Variants in STPG1 observed in about 807,000 individuals in gnomAD.
STPG1 encodes the protein sperm tail PG-rich repeat containing 1, also known as O(6)-methylguanine-induced apoptosis 2.
A neutral mutation model predicts 40.1 loss-of-function variants in STPG1; 33 were observed. That is an observed-to-expected ratio of 0.82 (90% CI 0.62 to 1.10). The LOEUF (loss-of-function observed/expected upper bound fraction) is 1.10. Among genes scored for constraint, STPG1 ranks in the 50% least tolerant of loss-of-function variants. The pLI, the probability that STPG1 is intolerant of heterozygous loss-of-function variation, is 0.00. For synonymous variants in STPG1, 150 were observed against 155.0 expected (o/e 0.97, Z 0.24); for missense variants, 396 against 415.1 (o/e 0.95, Z 0.40).
In STPG1 at chr1:24,379,673, G is replaced by A; in HGVS notation, c.442C>T (p.Pro148Ser). 1.2e-6 allele frequency: 2 copies of A among 1,614,152 alleles called. No individual in the cohort carries two copies. Among genetic ancestry groups the A allele is most frequent in the Non-Finnish European group, 8.5e-7 (1 of 1,179,996 alleles). Residue 148 changes from proline (P) to serine (S), a missense_variant, in exon 5 of 9, where the codon CCT becomes TCT. Physicochemically the swap from Pro to Ser is moderately conservative, Grantham distance 74. Coordinates refer to ENST00000337248, the MANE Select transcript of STPG1 (RefSeq NM_001199013.2). ...SFMKALKFET[P>S]APNYYNASVS... ...CTTACATTGTAATAGTTTGGTGCAG[G>A]AGTTTCAAACTTGAGAGCTTTCATA...
intron 1 of STPG1, among the ~76,000 whole-genome samples, chr1:24,402,237 ACT>A (rs932357179): frequency 5.1e-4 from 78 of 152,192 alleles, no homozygotes; most frequent in African/African-American, 1.9e-3. Flanking sequence ...AATCATAGAC[ACT>A]CTTTTTTCAC....
intron 2 of STPG1, among the ~76,000 whole-genome samples, chr1:24,397,127 G>A (rs1643038492): frequency 1.3e-5 from 2 of 152,074 alleles, no homozygotes. Context: ...AGCTCCTCAA[G>A]AGAACATAAC....
upstream of STPG1, chr1:24,414,275 A>C (rs1201948357): frequency 6.6e-6 from 1 of 151,220 alleles, no homozygotes; most frequent in Non-Finnish European, 1.5e-5. Flanking sequence ...CGAACTCCTG[A>C]CCTCAGGTGA....
chr1:24,381,823 T>G (rs1642297105), intron 4 of STPG1, among the ~76,000 whole-genome samples: 1 of 151,990 alleles, frequency 6.6e-6, no homozygotes, highest in Non-Finnish European at 1.5e-5. Flanking sequence ...GCGGAGGAGG[T>G]GCTAAAGGTG....
At chr1:24,368,804 A>G (rs1569994667) in intron 7 of STPG1, 1 of 152,910 alleles carries the variant, frequency 6.5e-6, no homozygotes, top group African/African-American at 2.4e-5. Flanking sequence ...TCACAGGTCC[A>G]AGTGATTCTC....
intron 2 of STPG1, among the ~76,000 whole-genome samples, chr1:24,393,810 G>C (rs1642878743): frequency 6.6e-6 from 1 of 152,222 alleles, no homozygotes; most frequent in African/African-American, 2.4e-5. Context: ...ACAAAGGACA[G>C]GGATCCCTGA....
intron 7 of STPG1, chr1:24,364,524 G>A: frequency 7.7e-7 from 1 of 1,304,382 alleles, no homozygotes; most frequent in Non-Finnish European, 9.9e-7. Flanking sequence ...GCTCTTTAAG[G>A]GAAGGTATTG....
At chr1:24,401,224 A>G (rs570002575) in intron 2 of STPG1, 95 bp downstream of exon 2, 1 of 1,066,048 alleles carries the variant, frequency 9.4e-7, no homozygotes, top group Non-Finnish European at 1.4e-6. Flanking sequence ...CCCTGTGGAT[A>G]TAACCCAGGA....
rs914001055 is a variant in STPG1, at chr1:24,379,907, C to A, written c.292-84G>T. Reference sequence around the variant, plus strand: ...CAGATGTCAAAAAGATGGTGACCAGCACAAGGTCTAAATGCATTTTATAAA... The same window carrying A: ...CAGATGTCAAAAAGATGGTGACCAGAACAAGGTCTAAATGCATTTTATAAA... On this transcript the variant is annotated intron_variant, in intron 4 of 8. Coordinates refer to ENST00000337248, the MANE Select transcript of STPG1 (RefSeq NM_001199013.2). The A allele has an allele frequency of 3.6e-6, 5 of 1,402,972 alleles. No homozygotes were observed. In the African/African-American group the frequency reaches 4.3e-5, roughly 12 times the overall value. 86.9% of individuals were successfully genotyped at this position (1,402,972 alleles called of 1,614,324 possible). A position where few individuals can be genotyped will look rare whatever the true frequency, so the allele number is the denominator to read the frequency against.
intron 5 of STPG1, among the ~76,000 whole-genome samples, chr1:24,376,249 G>A (rs1642019383): frequency 6.6e-6 from 1 of 152,140 alleles, no homozygotes; most frequent in South Asian, 2.1e-4. Context: ...TCAAACTCCT[G>A]ACCTCAGGTG....
chr1:24,404,739 G>A (rs1465636950), intron 1 of STPG1, among the ~76,000 whole-genome samples: 1 of 152,234 alleles, frequency 6.6e-6, no homozygotes, highest in East Asian at 1.9e-4. Context: ...TGCAGGTTCT[G>A]TAGTGATGTC....
At chr1:24,414,393 G>A (rs1643916817), upstream of STPG1, 1 of 151,602 alleles carries the variant, frequency 6.6e-6, no homozygotes, top group Non-Finnish European at 1.5e-5. Context: ...TGACATGGGC[G>A]ACTATACAAG....
At chr1:24,373,834 T>G in intron 5 of STPG1, 24 bp from the exon 6 acceptor site, 1 of 1,495,184 alleles carries the variant, frequency 6.7e-7, no homozygotes, top group Non-Finnish European at 9.3e-7. Context: ...ATACACCCAA[T>G]GTACTCAGTA....
At chr1:24,379,941 CTCTGGCAGTAA>C in intron 4 of STPG1, 118 bp from the exon 5 acceptor site, 1 of 1,003,416 alleles carries the variant, frequency 1.0e-6, no homozygotes, top group South Asian at 1.7e-5. Flanking sequence ...AAAGGCGAAA[CTCTGGCAGTAA>C]CAATGATAAA....
chr1:24,388,842 TTTTATAAC>T (rs1642627587), intron 3 of STPG1, among the ~76,000 whole-genome samples: 1 of 152,242 alleles, frequency 6.6e-6, no homozygotes, highest in African/African-American at 2.4e-5. Flanking sequence ...GTTTTTCTGT[TTTTATAAC>T]TTGAGGAGAC....
chr1:24,395,036 A>G (rs569410918), intron 2 of STPG1, among the ~76,000 whole-genome samples: 3 of 152,098 alleles, frequency 2.0e-5, no homozygotes, highest in Admixed American at 2.0e-4. Context: ...CCATAATCAA[A>G]TTGCTTAAAA....
intron 7 of STPG1, among the ~76,000 whole-genome samples, chr1:24,365,825 G>A (rs1641420816): frequency 2.0e-5 from 3 of 152,202 alleles, no homozygotes; most frequent in Admixed American, 2.0e-4. Flanking sequence ...CCTTCCCCCA[G>A]GCCCACAGGG....
At chr1:24,397,519 T>C (rs993279363) in intron 2 of STPG1, among the ~76,000 whole-genome samples, 1 of 151,048 alleles carries the variant, frequency 6.6e-6, no homozygotes, top group Non-Finnish European at 1.5e-5. Flanking sequence ...CATAAATACA[T>C]AAATCCTTAG....
chr1:24,395,049 T>G (rs1158386724), intron 2 of STPG1, among the ~76,000 whole-genome samples: 1 of 150,882 alleles, frequency 6.6e-6, no homozygotes, highest in Non-Finnish European at 1.5e-5. Flanking sequence ...GCTTAAAAAG[T>G]GATAAGAAGA....
Sources: allele counts gnomAD v4.1 joint callset (sites outside exome capture counted in the v4.1 genomes callset), GRCh38; gene constraint gnomAD v4.1.1; transcripts MANE v1.5; gene names NCBI Gene and HGNC (gene_info 2026-07-23, HGNC 2026-07-21).